PKP3: variants seen among roughly 807,000 people sequenced by gnomAD.
The protein encoded by PKP3 is plakophilin 3, also known as plakophilin-3.
Under a neutral mutation model 76.5 loss-of-function variants are expected in PKP3, and 66 were observed. That is an observed-to-expected ratio of 0.86 (90% CI 0.71 to 1.06). PKP3 has a LOEUF of 1.06. PKP3 is among the 50% of genes least tolerant of loss of function. PKP3 has a pLI of 0.00. For synonymous variants in PKP3, 638 were observed against 516.5 expected, an observed-to-expected ratio of 1.24 and a Z score of -3.19; for missense variants, 1,338 against 1,141.0, an observed-to-expected ratio of 1.17 and a Z score of -2.49.
At chr11:396,291 G>C (rs535897494) in intron 1 of PKP3, 1 of 347,554 alleles carries the variant, frequency 2.9e-6, no homozygotes, top group South Asian at 6.1e-5. Context: ...GGCAAGGATT[G>C]GAGAACTGAT....
intron 4 of PKP3, among the ~76,000 whole-genome samples, chr11:397,941 TCACCTCCATACCCCCGCACA>T (rs1847079252): frequency 1.1e-5 from 1 of 92,918 alleles, no homozygotes; most frequent in Non-Finnish European, 2.1e-5. Context: ...ATATACCTCA[TCACCTCCATACCCCCGCACA>T]CACCTCCGTC....
Position 397,332 on chromosome 11 carries a change from A to G in PKP3, c.831A>G (p.Arg277=). ...VPGAVLEPVA[R]APSVRSLSLS... ...GGGCCGTCCTGGAGCCAGTGGCTCG[A>G]GCGCCATCTGTGCGCAGCCTCAGCC... The change falls in exon 3 of 13, where the codon CGA becomes CGG. Residue 277 remains arginine, a synonymous_variant. Transcript: ENST00000331563. 6 of 1,577,838 alleles carry G rather than the reference A, an allele frequency of 3.8e-6. No homozygotes were observed. The highest frequency in any genetic ancestry group is 5.1e-6 in the Non-Finnish European group (6 of 1,165,574).
upstream of PKP3, chr11:394,168 C>T (rs1847011276): frequency 7.4e-7 from 1 of 1,350,686 alleles, no homozygotes; most frequent in African/African-American, 1.6e-5. Flanking sequence ...AGGCGTCTGT[C>T]TTCAGGCGGC....
chr11:400,477 G>T, intron 7 of PKP3, 26 bp downstream of exon 7: 1 of 1,522,108 alleles, frequency 6.6e-7, no homozygotes. Flanking sequence ...TGGAGGAGGG[G>T]CCGTGCCCCC....
chr11:394,436 G>A lies in PKP3; in HGVS notation c.144G>A (p.Glu48=). The A allele has an allele frequency of 6.8e-7, 1 of 1,461,056 alleles. No individual in the cohort carries two copies. The highest frequency in any genetic ancestry group is 9.0e-7 in the Non-Finnish European group (1 of 1,114,770). The allele number at this position is 1,461,056 out of a possible 1,614,324, so 90.5% of individuals were successfully genotyped here. ...AERLRAARVQ[E]QVRARLLQLG... is the part of the protein sequence containing the mutation. ...GGCTGCGGGCAGCCCGCGTCCAGGAGCAGGTCCGCGCCCGCCTCTTGCAGC... is the reference window on the plus strand; with the variant it reads ...GGCTGCGGGCAGCCCGCGTCCAGGAACAGGTCCGCGCCCGCCTCTTGCAGC... Residue 48 remains glutamate (E), a synonymous_variant, in exon 1 of 13, where the codon GAG becomes GAA. Coordinates refer to ENST00000331563, the MANE Select transcript of PKP3 (RefSeq NM_007183.4).
rs1847076460 is a variant in PKP3 at position 397,860 on chromosome 11, C to T, written c.1068+198C>T. The T allele has an allele frequency of 3.4e-5, 20 of 592,030 alleles. 1 individual carries two copies. The South Asian group carries it at 4.0e-4, about 12-fold the overall frequency. 36.7% of individuals were successfully genotyped at this position (592,030 alleles called of 1,614,324 possible). On this transcript the variant is annotated intron_variant, in intron 4 of 12. Coordinates refer to ENST00000331563, the MANE Select transcript of PKP3 (RefSeq NM_007183.4). ...GATACACCAGTATCACCTGCATCAC[C>T]TCCGTACCCCCACATATACCTCATC...
At chr11:394,886 A>G (rs1465082031) in intron 1 of PKP3, among the ~76,000 whole-genome samples, 1 of 152,098 alleles carries the variant, frequency 6.6e-6, no homozygotes, top group Non-Finnish European at 1.5e-5. Context: ...AGACTCACAT[A>G]GGGTCTCAGG....
At chr11:396,543 G>A (rs1403736357) in intron 1 of PKP3, 65 bp from the exon 2 acceptor site, 4 of 1,140,768 alleles carry the variant, frequency 3.5e-6, no homozygotes, top group African/African-American at 3.1e-5. Flanking sequence ...GAGTGGTGGA[G>A]AGGAGGCAGG....
In PKP3 at chr11:399,050, A is replaced by G; in HGVS notation, c.1127A>G (p.Glu376Gly). 6.2e-7 allele frequency: 1 copy of G among 1,607,544 alleles called. No homozygotes were observed. The highest frequency in any genetic ancestry group is 8.5e-7 in the Non-Finnish European group (1 of 1,176,226). Residue 376 changes from glutamate (E) to glycine (G), a missense_variant, in exon 5 of 13, where the codon GAA (glutamate) becomes GGA (glycine). Transcript: ENST00000331563. ...LVKLFNHANQ[E>G]VQRHATGAMR... ...AAGCTCTTCAACCACGCCAACCAGG[A>G]AGTGCAGCGCCATGCCACAGGTGCC...
rs12419281 is a variant in PKP3 at position 396,915 on chromosome 11, C to T, written c.414C>T (p.Asn138=). 852,675 of 1,592,850 alleles carry T rather than the reference C, an allele frequency of 0.54. 231,320 individuals are homozygous for T. The highest frequency in any genetic ancestry group is 0.59 in the South Asian group (53,336 of 89,676). The part of the protein sequence containing the change: ...SCSRRLSSAH[N]GGSAFGAAGY... ...GTCGGAGGCTGAGTTCAGCCCACAA[C>T]GGGGGCAGCGCCTTTGGGGCCGCTG... Residue 138 remains asparagine, a synonymous_variant, in exon 3 of 13, where the codon AAC becomes AAT. Transcript: ENST00000331563.
At chr11:399,291 C>T (rs1847108436) in intron 5 of PKP3, 95 bp downstream of exon 5, 3 of 525,314 alleles carry the variant, frequency 5.7e-6, no homozygotes, top group Admixed American at 4.1e-5. Flanking sequence ...CCTCCACCTG[C>T]CCACCATCTG....
At position 399,018 on chromosome 11, in the gene PKP3, G is replaced by A. The variant is rs1457441785; in HGVS notation, c.1095G>A (p.Arg365=). The stretch of plus-strand genomic sequence containing the variant: ...CCCGCAGCCTTCAGGCCGTGCCTAG[G>A]CTGGTGAAGCTCTTCAACCACGCCA... The part of the protein sequence containing the change: ...KQARSLQAVP[R]LVKLFNHANQ... Residue 365 remains arginine, a synonymous_variant, in exon 5 of 13, where the codon AGG becomes AGA. Transcript: ENST00000331563. 6.3e-7 allele frequency: 1 copy of A among 1,598,454 alleles called. No homozygotes were observed. The highest frequency in any genetic ancestry group is 8.5e-7 in the Non-Finnish European group (1 of 1,170,280).
In PKP3 at chr11:403,770, G is replaced by A. The variant is rs1663448117; in HGVS notation, c.2076G>A (p.Met692Ile). Reference sequence around the variant, plus strand: ...GGAACGCTAGGAACAAGGACGAGATGTGTGAGTCGGGCAGCCCCTCGTCCC... The same window carrying A: ...GGAACGCTAGGAACAAGGACGAGATATGTGAGTCGGGCAGCCCCTCGTCCC... ...LSRNARNKDEMSTKVVSHLIE... is the reference protein window; with the variant it reads ...LSRNARNKDEISTKVVSHLIE... The change falls in exon 10 of 13, where the codon ATG (methionine) becomes ATA (isoleucine). Residue 692 changes from methionine to isoleucine, a missense_variant and splice_region_variant. Coordinates refer to ENST00000331563, the MANE Select transcript of PKP3 (RefSeq NM_007183.4). The A allele has an allele frequency of 3.1e-6, 5 of 1,605,674 alleles. No homozygotes were observed. The highest frequency in any genetic ancestry group is 4.2e-6 in the Non-Finnish European group (5 of 1,179,822).
Position 404,644 on chromosome 11 carries a change from C to G in PKP3, c.*75C>G. 6.9e-7 allele frequency: 1 copy of G among 1,455,304 alleles called. No homozygotes were observed. Among genetic ancestry groups the G allele is most frequent in the East Asian group, 2.3e-5 (1 of 43,966 alleles). The allele number at this position is 1,455,304 out of a possible 1,614,324, so 90.1% of individuals were successfully genotyped here. A position where few individuals can be genotyped will look rare whatever the true frequency, so the allele number is the denominator to read the frequency against. On this transcript the variant is annotated 3_prime_UTR_variant, in exon 13 of 13. Coordinates refer to ENST00000331563, the MANE Select transcript of PKP3 (RefSeq NM_007183.4). The surrounding 1 kb of genome is among the most constrained non-coding windows in gnomAD (Gnocchi z 4.2). ...GACTCAGCTCCAGGCTGCTTGGCAG[C>G]CCAGCCTGGAGGAGAAGGCTAATGA...
chr11:393,269 T>C, upstream of PKP3, among the ~76,000 whole-genome samples: 1 of 133,444 alleles, frequency 7.5e-6, no homozygotes, highest in African/African-American at 2.7e-5. Context: ...CCCCCCACCC[T>C]CGCTCCCTCT....
Position 404,836 on chromosome 11 carries a change from G to T in PKP3, c.*267G>T. On this transcript the variant is annotated 3_prime_UTR_variant, in exon 13 of 13. Transcript: ENST00000331563. This position sits in a 1 kb window ranked among gnomAD's most constrained non-coding sequence, Gnocchi z 4.2. The stretch of plus-strand genomic sequence containing the variant: ...TGGTGACCCAGTCACATTGGCAGAG[G>T]TGGGGGTTGGCTGTGGCCTGGCAGT... 1 of 533,176 alleles carries T rather than the reference G, an allele frequency of 1.9e-6. No homozygotes were observed. The highest frequency in any genetic ancestry group is 3.4e-6 in the Non-Finnish European group (1 of 294,474). The allele number at this position is 533,176 out of a possible 1,614,324, so 33.0% of individuals were successfully genotyped here. A position where few individuals can be genotyped will look rare whatever the true frequency, so the allele number is the denominator to read the frequency against.
Position 396,693 on chromosome 11 carries a change from C to T in PKP3, c.312+6C>T, listed in dbSNP as rs750675834. The T allele has an allele frequency of 5.6e-6, 9 of 1,607,362 alleles. No individual in the cohort carries two copies. The highest frequency in any genetic ancestry group is 3.4e-6 in the Non-Finnish European group (4 of 1,176,718). On this transcript the variant is annotated splice_donor_region_variant and intron_variant, in intron 2 of 12. Coordinates refer to ENST00000331563, the MANE Select transcript of PKP3 (RefSeq NM_007183.4). ...TGAGTGGGGACAAGACCTCGGTGAG[C>T]GATGGGCCCAGCCCGAGGGGGACGA...
chr11:403,206 GCACA>G lies in PKP3; in HGVS notation c.1868_1871del (p.His623ArgfsTer23), dbSNP rs1278939260. On this transcript the variant is annotated frameshift_variant, in exon 9 of 13. Coordinates refer to ENST00000331563, the MANE Select transcript of PKP3 (RefSeq NM_007183.4). LOFTEE classifies it high-confidence loss of function. ...TGCTGCAGCGCTGCGAGCTCAACCG[GCACA>G]CGACGGAGGCGGCCGCCGGGGCGCT... 7 of 1,590,296 alleles carry G rather than the reference GCACA, an allele frequency of 4.4e-6. No homozygotes were observed. Among genetic ancestry groups the G allele is most frequent in the Non-Finnish European group, 6.0e-6 (7 of 1,170,702 alleles).
chr11:404,352 G>A lies in PKP3; in HGVS notation c.2358+29G>A, dbSNP rs1299475513. 13 of 1,588,356 alleles carry A rather than the reference G, an allele frequency of 8.2e-6. No individual in the cohort carries two copies. Among genetic ancestry groups the A allele is most frequent in the Non-Finnish European group, 1.1e-5 (13 of 1,157,784 alleles). ...CGTTTCCCGAGCCCAGGGCAAGCAG[G>A]GACCCGGGTGCAGGGCATGGGACGC... On this transcript the variant is annotated intron_variant, in intron 12 of 12. Coordinates refer to ENST00000331563, the MANE Select transcript of PKP3 (RefSeq NM_007183.4). This position sits in a 1 kb window ranked among gnomAD's most constrained non-coding sequence, Gnocchi z 4.2.
Sources: gnomAD v4.1 joint callset for allele counts (sites outside exome capture counted in the v4.1 genomes callset) on GRCh38, gnomAD v4.1.1 for gene constraint, Gnocchi (gnomAD v3.1) non-coding constraint, MANE v1.5 for transcripts, NCBI Gene and HGNC (gene_info 2026-07-23, HGNC 2026-07-21) for gene names.